Variants in WASHC2C observed in about 807,000 individuals in gnomAD.
WASHC2C encodes the protein Vaccinia Penetration Factor.
WASHC2C carries 73 observed loss-of-function variants against 142.2 expected under a neutral mutation model. That is an observed-to-expected ratio of 0.51 (90% CI 0.43 to 0.62). The LOEUF is 0.62. Ranked by LOEUF, WASHC2C falls within the 20% of genes least tolerant of loss-of-function variation. The pLI is 0.00. For missense variants in WASHC2C, 969 were observed against 1,531.7 expected (o/e 0.63, Z 6.13); for synonymous variants, 337 against 565.5 (o/e 0.60, Z 5.73).
intron 18 of WASHC2C, among the ~76,000 whole-genome samples, chr10:45,765,175 A>AC (rs1330859838): frequency 4.7e-5 from 7 of 147,688 alleles, no homozygotes; most frequent in Non-Finnish European, 9.0e-5. Context: ...CTAATGAGAA[A>AC]CACAAGTCAT....
In WASHC2C at chr10:45,749,836, A is replaced by ATAT. The variant is rs1554873238; in HGVS notation, c.733-260_733-259insTAT. On this transcript the variant is annotated intron_variant, in intron 8 of 30. Coordinates refer to ENST00000623400, the MANE Select transcript of WASHC2C (RefSeq NM_001330074.2). ...GCAAGACTCCATCTCAAAAAAAAAAAATATATATATATATATATATTTATA... is the reference window on the plus strand; with the variant it reads ...GCAAGACTCCATCTCAAAAAAAAAAATATATATATATATATATATATATTTATA... 2.1e-3 allele frequency among the ~76,000 whole-genome samples: 216 copies of ATAT among 101,744 alleles called. 2 individuals carry two copies. Among genetic ancestry groups the ATAT allele is most frequent in the African/African-American group, 8.8e-3 (202 of 22,960 alleles). The allele number at this position is 101,744 out of a possible 152,430, so 66.7% of individuals were successfully genotyped here. A position where few individuals can be genotyped will look rare whatever the true frequency, so the allele number is the denominator to read the frequency against.
At chr10:45,787,939 G>T (rs1232630027) in intron 28 of WASHC2C, among the ~76,000 whole-genome samples, 5 of 152,174 alleles carry the variant, frequency 3.3e-5, no homozygotes, top group African/African-American at 9.7e-5. Flanking sequence ...TTGTAGTTGG[G>T]TTTCTTGTTT....
chr10:45,771,104 C>T (rs1470419323), intron 20 of WASHC2C, among the ~76,000 whole-genome samples: 3 of 151,748 alleles, frequency 2.0e-5, no homozygotes, highest in South Asian at 2.1e-4. Context: ...CAGTGGCTCA[C>T]GCCTGTAATC....
chr10:45,735,933 A>C (rs1554864394), intron 3 of WASHC2C, among the ~76,000 whole-genome samples: 1 of 152,044 alleles, frequency 6.6e-6, no homozygotes, highest in South Asian at 2.1e-4. Flanking sequence ...TCTAGGTAAA[A>C]TCCTTCTCTA....
intron 20 of WASHC2C, among the ~76,000 whole-genome samples, chr10:45,772,184 G>T (rs2056657437): frequency 6.6e-6 from 1 of 152,042 alleles, no homozygotes; most frequent in Non-Finnish European, 1.5e-5. Context: ...TATATGAAAT[G>T]TATAGATAAA....
At chr10:45,754,080 C>T (rs1277121492) in intron 13 of WASHC2C, among the ~76,000 whole-genome samples, 1 of 151,820 alleles carries the variant, frequency 6.6e-6, no homozygotes, top group Non-Finnish European at 1.5e-5. Context: ...TATTTTTTTA[C>T]TGATGACTCA....
intron 23 of WASHC2C, among the ~76,000 whole-genome samples, chr10:45,779,370 CTTG>C (rs1197788979): frequency 4.7e-5 from 7 of 148,786 alleles, no homozygotes; most frequent in African/African-American, 1.5e-4. Context: ...ATTTACAGAC[CTTG>C]TTGTTCCTTC....
At chr10:45,785,488 G>C in intron 25 of WASHC2C, 21 bp from the exon 26 acceptor site, 1 of 1,611,394 alleles carries the variant, frequency 6.2e-7, no homozygotes, top group Non-Finnish European at 8.5e-7. Flanking sequence ...ATGCCTTTTT[G>C]GTATTTTTTT....
chr10:45,738,061 C>A lies in WASHC2C; in HGVS notation c.354+16C>A, dbSNP rs782280778. ...AACAGAGCAGGTACTTGTATAAAAT[C>A]ACTCTTAGCTGAGTTTCTGACTTTG... On this transcript the variant is annotated intron_variant, in intron 4 of 30. Coordinates refer to ENST00000623400, the MANE Select transcript of WASHC2C (RefSeq NM_001330074.2). 2 of 1,611,840 alleles carry A rather than the reference C, an allele frequency of 1.2e-6. No individual in the cohort carries two copies. The highest frequency in any genetic ancestry group is 2.2e-5 in the South Asian group (2 of 90,978).
At position 45,790,541 on chromosome 10, in the gene WASHC2C, T is replaced by C; in HGVS notation, c.3886+8T>C. The stretch of plus-strand genomic sequence containing the variant: ...TATTTGATGATGATATGGGTAAGTT[T>C]GGTTTTCTACATCTGACCTAGAGAA... On this transcript the variant is annotated splice_region_variant and intron_variant, in intron 30 of 30. Coordinates refer to ENST00000623400, the MANE Select transcript of WASHC2C (RefSeq NM_001330074.2). The C allele has an allele frequency of 6.2e-7, 1 of 1,611,934 alleles. No individual in the cohort carries two copies. Among genetic ancestry groups the C allele is most frequent in the Non-Finnish European group, 8.5e-7 (1 of 1,179,826 alleles).
intron 5 of WASHC2C, among the ~76,000 whole-genome samples, chr10:45,741,061 C>T (rs1393698904): frequency 6.6e-6 from 1 of 151,816 alleles, no homozygotes; most frequent in Non-Finnish European, 1.5e-5. Context: ...GATTCTCCTG[C>T]CCCAGCCTCC....
chr10:45,727,269 C>A lies in WASHC2C; in HGVS notation c.-49C>A. 1 of 1,544,264 alleles carries A rather than the reference C, an allele frequency of 6.5e-7. No individual in the cohort carries two copies. The highest frequency in any genetic ancestry group is 2.4e-5 in the East Asian group (1 of 40,952). ...GGCTAGGCTTCCGGGGCTCTGCGGT[C>A]CTCGGCCTGTGCTGGCAGCCTCGGA... On this transcript the variant is annotated 5_prime_UTR_variant, in exon 1 of 31. Transcript: ENST00000623400.
intron 19 of WASHC2C, among the ~76,000 whole-genome samples, chr10:45,768,251 A>G (rs1311095301): frequency 1.3e-4 from 19 of 151,182 alleles, no homozygotes; most frequent in African/African-American, 2.7e-4. Flanking sequence ...AAAAAAAAAA[A>G]AAAAGAAAGA....
chr10:45,792,419 A>G lies in WASHC2C; in HGVS notation c.*19A>G, dbSNP rs1392986492. 2 of 1,562,606 alleles carry G rather than the reference A, an allele frequency of 1.3e-6. No individual in the cohort carries two copies. The highest frequency in any genetic ancestry group is 2.2e-5 in the East Asian group (1 of 44,700). ...CCAGTAGAGCACACAGGGTATCCAC[A>G]TGTTACCCTGCAGCTACATTGTTGA... On this transcript the variant is annotated 3_prime_UTR_variant, in exon 31 of 31. Transcript: ENST00000623400.
chr10:45,733,178 C>G (rs1241028911), intron 3 of WASHC2C, among the ~76,000 whole-genome samples: 1 of 152,172 alleles, frequency 6.6e-6, no homozygotes, highest in African/African-American at 2.4e-5. Flanking sequence ...TGAAGCATCA[C>G]ATTCTTTAGT....
At chr10:45,766,862 T>C (rs1218953990) in intron 19 of WASHC2C, among the ~76,000 whole-genome samples, 2 of 152,174 alleles carry the variant, frequency 1.3e-5, no homozygotes, top group Non-Finnish European at 2.9e-5. Context: ...TTTTTTAACA[T>C]TGTAGGCAAG....
At chr10:45,786,850 C>A in intron 27 of WASHC2C, 176 bp downstream of exon 27, 1 of 1,549,390 alleles carries the variant, frequency 6.5e-7, no homozygotes, top group East Asian at 2.3e-5. Context: ...TTCTTTGAGC[C>A]CAGTGGTGGG....
At chr10:45,779,562 T>C (rs1348654679) in intron 23 of WASHC2C, among the ~76,000 whole-genome samples, 3 of 152,246 alleles carry the variant, frequency 2.0e-5, no homozygotes, top group African/African-American at 7.2e-5. Context: ...ATAATGACTA[T>C]TTTAGCTTTT....
chr10:45,761,385 G>T (rs2055059656), intron 17 of WASHC2C, among the ~76,000 whole-genome samples: 1 of 152,040 alleles, frequency 6.6e-6, no homozygotes, highest in African/African-American at 2.4e-5. Context: ...TGTTGGTCAA[G>T]ATGGTCACAA....
Sources: allele counts gnomAD v4.1 joint callset (sites outside exome capture counted in the v4.1 genomes callset), GRCh38; gene constraint gnomAD v4.1.1; transcripts MANE v1.5; gene names NCBI Gene and HGNC (gene_info 2026-07-23, HGNC 2026-07-21).